The following TRDN variants were observed in gnomAD, a reference collection of about 807,000 sequenced individuals.
TRDN encodes the protein triadin.
TRDN carries 161 observed loss-of-function variants against 149.7 expected under a neutral mutation model. The observed-to-expected ratio is 1.08, with a 90% CI of 0.95 to 1.23. The LOEUF (loss-of-function observed/expected upper bound fraction) is 1.23. TRDN is among the 50% of genes most tolerant of loss of function. The pLI, the probability that TRDN is intolerant of heterozygous loss-of-function variation, is 0.00. For missense variants in TRDN, 896 were observed against 823.5 expected (o/e 1.09, Z -1.08); for synonymous variants, 294 against 250.5 (o/e 1.17, Z -1.64).
chr6:123,257,319 G>A (rs1211909686), intron 35 of TRDN, among the ~76,000 whole-genome samples: 1 of 152,036 alleles, frequency 6.6e-6, no homozygotes, highest in Non-Finnish European at 1.5e-5. Context: ...TTTTGTATAA[G>A]GCATAAGGAA....
intron 9 of TRDN, among the ~76,000 whole-genome samples, chr6:123,479,889 T>C (rs1052739373): frequency 2.6e-5 from 4 of 152,112 alleles, no homozygotes; most frequent in Non-Finnish European, 5.9e-5. Context: ...TAGGAAGACA[T>C]TATTGAGGGG....
chr6:123,466,945 T>C (rs545429245), intron 9 of TRDN, among the ~76,000 whole-genome samples: 3 of 152,084 alleles, frequency 2.0e-5, no homozygotes, highest in African/African-American at 7.2e-5. Context: ...TTGAGGAACT[T>C]ATTATACTAT....
At chr6:123,407,407 C>G (rs1310332869) in intron 12 of TRDN, among the ~76,000 whole-genome samples, 2 of 152,174 alleles carry the variant, frequency 1.3e-5, no homozygotes, top group Admixed American at 6.5e-5. Flanking sequence ...TAAATACTAT[C>G]ATTTCTTGGA....
intron 22 of TRDN, among the ~76,000 whole-genome samples, chr6:123,337,116 G>A (rs1298352731): frequency 1.3e-5 from 2 of 151,898 alleles, no homozygotes; most frequent in Admixed American, 6.6e-5. Flanking sequence ...CAAGACTAAC[G>A]CAGGCAGAAT....
intron 23 of TRDN, among the ~76,000 whole-genome samples, chr6:123,329,535 C>T (rs532743103): frequency 6.6e-6 from 1 of 152,038 alleles, no homozygotes; most frequent in African/African-American, 2.4e-5. Context: ...GAGACAACAC[C>T]TCCTACAGGT....
At chr6:123,313,682 G>A (rs1307350228) in intron 24 of TRDN, among the ~76,000 whole-genome samples, 1 of 151,788 alleles carries the variant, frequency 6.6e-6, no homozygotes, top group Admixed American at 6.6e-5. Flanking sequence ...TAGACCGATA[G>A]AACAGATTAG....
At chr6:123,621,727 T>C (rs1005859151) in intron 1 of TRDN, among the ~76,000 whole-genome samples, 10 of 152,138 alleles carry the variant, frequency 6.6e-5, no homozygotes, top group African/African-American at 2.4e-4. Flanking sequence ...AACTATGTTG[T>C]TTATCGATGT....
At chr6:123,438,923 C>T in intron 11 of TRDN, 21 bp downstream of exon 11, 1 of 1,543,464 alleles carries the variant, frequency 6.5e-7, no homozygotes, top group Non-Finnish European at 8.8e-7. Context: ...TTATGTGGTA[C>T]ATGGCTTTTA....
At chr6:123,490,230 G>A (rs1192141616) in intron 9 of TRDN, among the ~76,000 whole-genome samples, 3 of 152,150 alleles carry the variant, frequency 2.0e-5, no homozygotes, top group African/African-American at 2.4e-5. Context: ...CATAAAAAAT[G>A]TATTCCAAGA....
chr6:123,301,072 A>G (rs1429265724), intron 24 of TRDN, among the ~76,000 whole-genome samples: 4 of 151,986 alleles, frequency 2.6e-5, no homozygotes, highest in Non-Finnish European at 5.9e-5. Context: ...TACTCTAAGG[A>G]ATATGGAGTC....
At chr6:123,221,145 T>C (rs151300536) in intron 40 of TRDN, among the ~76,000 whole-genome samples, 1 of 151,746 alleles carries the variant, frequency 6.6e-6, no homozygotes, top group Non-Finnish European at 1.5e-5. Flanking sequence ...ATAAAAAAAT[T>C]TGGCATATTA....
chr6:123,370,606 G>T (rs1308776191), intron 19 of TRDN, among the ~76,000 whole-genome samples: 10 of 152,088 alleles, frequency 6.6e-5, no homozygotes, highest in Admixed American at 1.3e-4. Context: ...AAGTGAAATT[G>T]CTAGGCATGT....
At chr6:123,239,721 TA>T (rs1222729980) in intron 38 of TRDN, among the ~76,000 whole-genome samples, 2 of 152,026 alleles carry the variant, frequency 1.3e-5, no homozygotes, top group African/African-American at 4.8e-5. Flanking sequence ...ATACTACATA[TA>T]AAAGTTTGTG....
chr6:123,581,104 C>A (rs1439546964), intron 1 of TRDN, among the ~76,000 whole-genome samples: 1 of 152,102 alleles, frequency 6.6e-6, no homozygotes, highest in Non-Finnish European at 1.5e-5. Context: ...ATATTGAATT[C>A]CTGAGACATT....
chr6:123,298,279 G>A (rs72974607), intron 24 of TRDN, among the ~76,000 whole-genome samples: 4,158 of 151,924 alleles, frequency 0.027, 74 homozygotes, highest in Middle Eastern at 0.045. Flanking sequence ...GACCCCACTT[G>A]TTTATTTCTT....
chr6:123,248,066 A>T (rs1448988335), intron 38 of TRDN, among the ~76,000 whole-genome samples: 1 of 152,142 alleles, frequency 6.6e-6, no homozygotes, highest in African/African-American at 2.4e-5. Flanking sequence ...CTGAAACTGG[A>T]CCCCTTCCTT....
intron 18 of TRDN, 41 bp from the exon 19 acceptor site, chr6:123,375,672 A>G (rs1016017380): frequency 1.4e-5 from 20 of 1,428,852 alleles, no homozygotes; most frequent in Non-Finnish European, 1.8e-5. Flanking sequence ...AGTAATTACA[A>G]ATCTGCTTAT....
At chr6:123,309,927 C>G (rs1778753285) in intron 24 of TRDN, among the ~76,000 whole-genome samples, 1 of 151,958 alleles carries the variant, frequency 6.6e-6, no homozygotes, top group African/African-American at 2.4e-5. Context: ...GTGCCATGCA[C>G]AGTCAAGAGA....
chr6:123,442,539 C>A lies in TRDN; in HGVS notation c.932-3536G>T, dbSNP rs550486305. ...CCCGCCTGGGCCACAGAGCGAGACT[C>A]CGTCTCAAAAAAAAAAAAAAAAGAA... is the stretch of plus-strand genomic sequence containing the variant. On this transcript the variant is annotated intron_variant, in intron 10 of 40. Transcript: ENST00000334268. Among the ~76,000 whole-genome samples the A allele has an allele frequency of 6.1e-3, 584 of 96,470 alleles. 35 individuals carry two copies. The highest frequency in any genetic ancestry group is 0.015 in the Admixed American group (151 of 10,044). 63.3% of individuals were successfully genotyped at this position (96,470 alleles called of 152,430 possible).
Sources: allele counts gnomAD v4.1 joint callset (sites outside exome capture counted in the v4.1 genomes callset), GRCh38; gene constraint gnomAD v4.1.1; transcripts MANE v1.5; gene names NCBI Gene and HGNC (gene_info 2026-07-23, HGNC 2026-07-21).